The following ADCY1 variants were observed in gnomAD, a reference collection of about 807,000 sequenced individuals.
ADCY1 encodes the protein adenylate cyclase 1, also known as adenylate cyclase type 1.
A neutral mutation model predicts 105.4 loss-of-function variants in ADCY1; 28 were observed. The observed-to-expected ratio is 0.27, with a 90% confidence interval of 0.20 to 0.36. The LOEUF is 0.36. Ranked by LOEUF, ADCY1 falls within the 10% of genes least tolerant of loss-of-function variation. The pLI is 1.00. For synonymous variants in ADCY1, 655 were observed against 623.8 expected, an observed-to-expected ratio of 1.05 and a Z score of -0.75; for missense variants, 977 against 1,434.2, an observed-to-expected ratio of 0.68 and a Z score of 5.15.
chr7:45,597,565 C>A (rs560849439), intron 2 of ADCY1, among the ~76,000 whole-genome samples: 12 of 152,330 alleles, frequency 7.9e-5, no homozygotes, highest in African/African-American at 2.2e-4. Flanking sequence ...ACAACAGATA[C>A]AGACACTAGG....
chr7:45,708,283 G>C lies in ADCY1; in HGVS notation c.2818-67G>C, dbSNP rs2116272560. On this transcript the variant is annotated intron_variant, in intron 17 of 19. Transcript: ENST00000297323. This position sits in a 1 kb window ranked among gnomAD's most constrained non-coding sequence, Gnocchi z 4.7. ...GAAAGTGCAGCTGTTGGGCACTGCA[G>C]GTTGGTCCCTGGCCCCCTCTTGCCT... is the stretch of plus-strand genomic sequence containing the variant. The C allele has an allele frequency of 1.8e-6, 2 of 1,089,616 alleles. No homozygotes were observed. Among genetic ancestry groups the C allele is most frequent in the African/African-American group, 3.1e-5 (2 of 64,936 alleles). The allele number at this position is 1,089,616 out of a possible 1,614,324, so 67.5% of individuals were successfully genotyped here. A position where few individuals can be genotyped will look rare whatever the true frequency, so the allele number is the denominator to read the frequency against.
At chr7:45,618,606 T>A (rs1224184343) in intron 3 of ADCY1, among the ~76,000 whole-genome samples, 1 of 152,166 alleles carries the variant, frequency 6.6e-6, no homozygotes, top group Non-Finnish European at 1.5e-5. Flanking sequence ...CCAACAAGTA[T>A]ATGATAAAAT....
chr7:45,673,807 A>G (rs952599962), intron 8 of ADCY1, among the ~76,000 whole-genome samples: 1 of 150,676 alleles, frequency 6.6e-6, no homozygotes, highest in African/African-American at 2.4e-5. Flanking sequence ...CTTTGAGTCT[A>G]TTTTGCATTT....
chr7:45,645,693 C>T (rs998254239), intron 4 of ADCY1, among the ~76,000 whole-genome samples: 10 of 152,114 alleles, frequency 6.6e-5, no homozygotes, highest in African/African-American at 2.4e-4. Context: ...GGGGCAGGGA[C>T]ACTAGCAGTT....
intron 1 of ADCY1, among the ~76,000 whole-genome samples, chr7:45,579,002 T>A (rs1792437379): frequency 6.6e-6 from 1 of 152,208 alleles, no homozygotes; most frequent in South Asian, 2.1e-4. Context: ...GTAGGCAGGA[T>A]AACAGAAATC....
Position 45,686,345 on chromosome 7 carries a change from G to A in ADCY1, c.2327+130G>A, listed in dbSNP as rs745543774. ...AATTGTATACACAATTTTTAGTTTG[G>A]TGGCTGCTTCTCTTCAACCCAAGTT... On this transcript the variant is annotated intron_variant, in intron 13 of 19. Coordinates refer to ENST00000297323, the MANE Select transcript of ADCY1 (RefSeq NM_021116.4). This position sits in a 1 kb window ranked among gnomAD's most constrained non-coding sequence, Gnocchi z 4.3. 182 of 1,439,284 alleles carry A rather than the reference G, an allele frequency of 1.3e-4. No homozygotes were observed. Among genetic ancestry groups the A allele is most frequent in the Middle Eastern group, 2.0e-4 (1 of 4,934 alleles). The allele number at this position is 1,439,284 out of a possible 1,614,324, so 89.2% of individuals were successfully genotyped here.
chr7:45,670,042 A>C (rs1046705485), intron 8 of ADCY1, among the ~76,000 whole-genome samples: 1 of 152,198 alleles, frequency 6.6e-6, no homozygotes, highest in Admixed American at 6.5e-5. Context: ...TTAGCTTTTG[A>C]ATTTTTTCTT....
chr7:45,594,332 C>A (rs1793012947), intron 2 of ADCY1, among the ~76,000 whole-genome samples: 1 of 152,188 alleles, frequency 6.6e-6, no homozygotes, highest in Non-Finnish European at 1.5e-5. Context: ...GAGTCAGTCA[C>A]ACAAGGAGAG....
intron 2 of ADCY1, among the ~76,000 whole-genome samples, chr7:45,607,795 A>G (rs918618674): frequency 1.4e-4 from 22 of 152,308 alleles, no homozygotes; most frequent in Middle Eastern, 6.8e-3. Flanking sequence ...ATGGCTGCAT[A>G]GTATTCCATG....
At chr7:45,699,398 C>G (rs149789325) in intron 14 of ADCY1, among the ~76,000 whole-genome samples, 48 of 152,260 alleles carry the variant, frequency 3.2e-4, no homozygotes, top group Non-Finnish European at 5.0e-4. Context: ...AGTCCCCCAT[C>G]TCTGTGAGGT....
At position 45,660,117 on chromosome 7, in the gene ADCY1, G is replaced by A; in HGVS notation, c.1383G>A (p.Glu461=). ...DYEVEPGYGH[E]RNSFLKTHNI... ...AGGTAGAACCGGGTTACGGACATGAGAGGAACAGTTTCTTGAAAACTCATA... is the reference window on the plus strand; with the variant it reads ...AGGTAGAACCGGGTTACGGACATGAAAGGAACAGTTTCTTGAAAACTCATA... Residue 461 remains glutamate, a synonymous_variant, in exon 7 of 20, where the codon GAG becomes GAA. Coordinates refer to ENST00000297323, the MANE Select transcript of ADCY1 (RefSeq NM_021116.4). The A allele has an allele frequency of 1.2e-6, 2 of 1,614,252 alleles. No homozygotes were observed. Among genetic ancestry groups the A allele is most frequent in the Non-Finnish European group, 1.7e-6 (2 of 1,180,042 alleles).
chr7:45,668,760 T>C (rs1393547512), intron 8 of ADCY1, among the ~76,000 whole-genome samples: 1 of 152,238 alleles, frequency 6.6e-6, no homozygotes, highest in African/African-American at 2.4e-5. Flanking sequence ...CGTCTAGTCC[T>C]GGACTTTTTT....
At position 45,686,726 on chromosome 7, in the gene ADCY1, A is replaced by G. The variant is rs1358717785; in HGVS notation, c.2454+53A>G. Reference sequence around the variant, plus strand: ...GGGTGGGGGATTTAGAGGAGGAAGAAGTCTTCAGCAAGCATCTGACGGGGG... The same window carrying G: ...GGGTGGGGGATTTAGAGGAGGAAGAGGTCTTCAGCAAGCATCTGACGGGGG... On this transcript the variant is annotated intron_variant, in intron 14 of 19. Coordinates refer to ENST00000297323, the MANE Select transcript of ADCY1 (RefSeq NM_021116.4). The surrounding 1 kb of genome is among the most constrained non-coding windows in gnomAD (Gnocchi z 4.3). The G allele has an allele frequency of 1.9e-6, 3 of 1,556,908 alleles. No homozygotes were observed. In the African/African-American group the frequency reaches 4.1e-5, roughly 21 times the overall value.
At chr7:45,709,056 C>T (rs995806761) in intron 18 of ADCY1, among the ~76,000 whole-genome samples, 7 of 152,052 alleles carry the variant, frequency 4.6e-5, no homozygotes. Flanking sequence ...TACAGTTAAA[C>T]TAGAGGTTCA....
At chr7:45,657,953 T>C in intron 6 of ADCY1, 68 bp downstream of exon 6, 2 of 1,506,262 alleles carry the variant, frequency 1.3e-6, no homozygotes, top group South Asian at 2.5e-5. Context: ...GGCTAAATCC[T>C]TGCTTCAGGT....
chr7:45,644,517 G>A (rs1794608889), intron 4 of ADCY1, among the ~76,000 whole-genome samples: 1 of 152,206 alleles, frequency 6.6e-6, no homozygotes, highest in Non-Finnish European at 1.5e-5. Context: ...TTCCTATCTG[G>A]ATTCTCCTGC....
chr7:45,636,393 A>G (rs1445478189), intron 4 of ADCY1, among the ~76,000 whole-genome samples: 3 of 152,214 alleles, frequency 2.0e-5, no homozygotes, highest in Non-Finnish European at 4.4e-5. Context: ...TAATGACAAT[A>G]AAAAAAGCTG....
chr7:45,707,735 CA>C (rs933177551), intron 17 of ADCY1, among the ~76,000 whole-genome samples: 6 of 152,104 alleles, frequency 3.9e-5, no homozygotes, highest in African/African-American at 1.4e-4. Flanking sequence ...AAGATGTTAA[CA>C]ATAGGCGAAA....
chr7:45,658,118 A>C, intron 6 of ADCY1, among the ~76,000 whole-genome samples: 1 of 152,218 alleles, frequency 6.6e-6, no homozygotes, highest in Non-Finnish European at 1.5e-5. Context: ...GCACATCTAC[A>C]AAAAGCTGTC....
Sources: gnomAD v4.1 joint callset for allele counts (sites outside exome capture counted in the v4.1 genomes callset) on GRCh38, gnomAD v4.1.1 for gene constraint, Gnocchi (gnomAD v3.1) non-coding constraint, MANE v1.5 for transcripts, NCBI Gene and HGNC (gene_info 2026-07-23, HGNC 2026-07-21) for gene names.